The following UQCC1 variants were observed in gnomAD, a reference collection of about 807,000 sequenced individuals.
UQCC1 encodes the protein bFGF-repressed Zic-binding protein.
UQCC1 carries 38 observed loss-of-function variants against 48.0 expected under a neutral mutation model. The observed-to-expected ratio is 0.79, with a 90% CI of 0.61 to 1.04. The LOEUF is 1.04. Ranked by LOEUF, UQCC1 falls within the 50% of genes least tolerant of loss-of-function variation. UQCC1 has a pLI of 0.00. For synonymous variants in UQCC1, 111 were observed against 129.2 expected, an observed-to-expected ratio of 0.86 and a Z score of 0.95; for missense variants, 368 against 381.8, an observed-to-expected ratio of 0.96 and a Z score of 0.30.
chr20:35,376,084 G>A (rs1286118678), intron 4 of UQCC1, among the ~76,000 whole-genome samples: 1 of 151,954 alleles, frequency 6.6e-6, no homozygotes, highest in African/African-American at 2.4e-5. Flanking sequence ...AAGGCAGGAA[G>A]ATCAACTGAG....
chr20:35,352,952 A>C (rs2061505757), intron 6 of UQCC1, among the ~76,000 whole-genome samples: 1 of 152,104 alleles, frequency 6.6e-6, no homozygotes, highest in South Asian at 2.1e-4. Context: ...AAGTGCTAAG[A>C]TACAGGCACG....
intron 7 of UQCC1, among the ~76,000 whole-genome samples, chr20:35,317,770 T>C (rs983548023): frequency 6.6e-6 from 1 of 152,230 alleles, no homozygotes; most frequent in Non-Finnish European, 1.5e-5. Context: ...TACAAGGGCC[T>C]GTGTACTACG....
At chr20:35,341,877 CTT>C (rs1325158914) in intron 7 of UQCC1, among the ~76,000 whole-genome samples, 1 of 152,068 alleles carries the variant, frequency 6.6e-6, no homozygotes, top group East Asian at 1.9e-4. Flanking sequence ...TCACTGAGTG[CTT>C]ACTAAGTGCC....
Position 35,411,942 on chromosome 20 carries a change from G to A in UQCC1, c.22C>T (p.Leu8Phe), listed in dbSNP as rs866021996. 3 of 1,614,180 alleles carry A rather than the reference G, an allele frequency of 1.9e-6. No homozygotes were observed. Among genetic ancestry groups the A allele is most frequent in the Non-Finnish European group, 2.5e-6 (3 of 1,180,026 alleles). The change falls in exon 1 of 10, where the codon CTT (leucine) becomes TTT (phenylalanine). Residue 8 changes from leucine (L) to phenylalanine (F), a missense_variant and splice_region_variant. By Grantham distance (22) the Leu-to-Phe change is conservative. Transcript: ENST00000374385. MALLVRV[L>F]RNQTSISQWV... ...TAGAAAATTACTCCTTCACTCACAA[G>A]GACTCGCACCAGCAACGCCATGTTC...
At chr20:35,372,366 T>C (rs2061743967) in intron 5 of UQCC1, among the ~76,000 whole-genome samples, 2 of 150,862 alleles carry the variant, frequency 1.3e-5, no homozygotes, top group South Asian at 4.2e-4. Context: ...CTTCATCAGA[T>C]AGAGAAAAAA....
chr20:35,357,220 A>G (rs1425664404), intron 6 of UQCC1, among the ~76,000 whole-genome samples: 1 of 151,926 alleles, frequency 6.6e-6, no homozygotes, highest in South Asian at 2.1e-4. Context: ...CCTCATCTCT[A>G]TAAAAAATAC....
chr20:35,389,635 C>T (rs2061990024), intron 2 of UQCC1, among the ~76,000 whole-genome samples: 1 of 151,774 alleles, frequency 6.6e-6, no homozygotes, highest in Non-Finnish European at 1.5e-5. Context: ...TGAGCTCATA[C>T]TGGTATAAAT....
chr20:35,365,171 G>A (rs1197048534), intron 6 of UQCC1, among the ~76,000 whole-genome samples: 1 of 152,190 alleles, frequency 6.6e-6, no homozygotes, highest in Non-Finnish European at 1.5e-5. Flanking sequence ...TTTGATAGTT[G>A]CAGCTTCCTT....
rs77726812 is a variant in UQCC1 at position 35,384,419 on chromosome 20, T to C, written c.130-286A>G. 3,313 of 341,236 alleles carry C rather than the reference T, an allele frequency of 9.7e-3. 32 individuals carry two copies. Among genetic ancestry groups the C allele is most frequent in the African/African-American group, 0.024 (1,125 of 47,030 alleles). 21.1% of individuals were successfully genotyped at this position (341,236 alleles called of 1,614,324 possible). ...ACTTTGGGAGGTCAAGGTGAGAGGA[T>C]TGCTTGAGGCCAGAGTTTAAGACTC... is the stretch of plus-strand genomic sequence containing the variant. On this transcript the variant is annotated intron_variant, in intron 2 of 9. Coordinates refer to ENST00000374385, the MANE Select transcript of UQCC1 (RefSeq NM_018244.5).
intron 6 of UQCC1, among the ~76,000 whole-genome samples, chr20:35,364,096 C>CA (rs2061638654): frequency 6.6e-6 from 1 of 152,212 alleles, no homozygotes; most frequent in Admixed American, 6.5e-5. Flanking sequence ...ACACATCAGG[C>CA]AACTGGCTGC....
At chr20:35,347,386 C>T in intron 6 of UQCC1, 114 bp from the exon 7 acceptor site, 1 of 1,281,876 alleles carries the variant, frequency 7.8e-7, no homozygotes, top group Admixed American at 2.2e-5. Flanking sequence ...CCAAATCAAA[C>T]TGGAAGTGAA....
At chr20:35,307,814 G>C (rs1447164204) in intron 8 of UQCC1, among the ~76,000 whole-genome samples, 3 of 152,202 alleles carry the variant, frequency 2.0e-5, no homozygotes, top group Non-Finnish European at 4.4e-5. Flanking sequence ...ACAAAGATTA[G>C]GAGCATGCTT....
intron 2 of UQCC1, among the ~76,000 whole-genome samples, chr20:35,391,532 G>A (rs564921381): frequency 1.3e-5 from 2 of 152,076 alleles, no homozygotes; most frequent in South Asian, 4.1e-4. Flanking sequence ...GCTGAGGTGG[G>A]AGGATCGCTT....
intron 6 of UQCC1, among the ~76,000 whole-genome samples, chr20:35,351,903 G>A (rs1237621985): frequency 6.6e-6 from 1 of 152,202 alleles, no homozygotes; most frequent in Non-Finnish European, 1.5e-5. Context: ...GAACACAGGA[G>A]TTCCTATTGT....
At chr20:35,341,176 G>A (rs915598638) in intron 7 of UQCC1, among the ~76,000 whole-genome samples, 7 of 146,012 alleles carry the variant, frequency 4.8e-5, no homozygotes, top group African/African-American at 1.5e-4. Context: ...AGCCAAGGTC[G>A]CGCCACTGTA....
chr20:35,342,476 A>G (rs2061391652), intron 7 of UQCC1, among the ~76,000 whole-genome samples: 1 of 152,280 alleles, frequency 6.6e-6, no homozygotes, highest in Admixed American at 6.5e-5. Context: ...ACCTGGCTGC[A>G]AACCCAGCAA....
chr20:35,376,744 C>A (rs2061805712), intron 4 of UQCC1, among the ~76,000 whole-genome samples: 1 of 151,998 alleles, frequency 6.6e-6, no homozygotes, highest in African/African-American at 2.4e-5. Context: ...GTGGGCGGAT[C>A]ACGAGGTCAA....
intron 3 of UQCC1, among the ~76,000 whole-genome samples, chr20:35,382,654 C>T (rs1483037580): frequency 2.0e-5 from 3 of 151,136 alleles, no homozygotes; most frequent in Admixed American, 6.6e-5. Flanking sequence ...CTGGGACAGG[C>T]ACCCACCACC....
intron 9 of UQCC1, among the ~76,000 whole-genome samples, chr20:35,304,338 G>C (rs2060905084): frequency 6.6e-6 from 1 of 152,052 alleles, no homozygotes; most frequent in Non-Finnish European, 1.5e-5. Context: ...CCTCTGAATG[G>C]AGACAGACAC....
Sources: allele counts gnomAD v4.1 joint callset (sites outside exome capture counted in the v4.1 genomes callset), GRCh38; gene constraint gnomAD v4.1.1; transcripts MANE v1.5; gene names NCBI Gene and HGNC (gene_info 2026-07-23, HGNC 2026-07-21).